The following ANO6 variants were observed in gnomAD, a reference collection of about 807,000 sequenced individuals.
ANO6 encodes anoctamin-6.
ANO6 carries 106 observed loss-of-function variants against 117.5 expected under a neutral mutation model. The ratio of observed to expected loss-of-function variants is 0.90; its 90% CI spans 0.77 to 1.06. ANO6 has a LOEUF of 1.06. Among genes scored for constraint, ANO6 ranks in the 50% least tolerant of loss-of-function variants. The probability of loss-of-function intolerance (pLI) is 0.00; values close to 1 mark genes in which losing one functional copy is unlikely to be tolerated. For missense variants in ANO6, 955 were observed against 1,121.1 expected, an observed-to-expected ratio of 0.85 and a Z score of 2.12; for synonymous variants, 367 against 385.1, an observed-to-expected ratio of 0.95 and a Z score of 0.55.
chr12:45,235,306 T>C (rs1198324908), intron 1 of ANO6, among the ~76,000 whole-genome samples: 7 of 152,364 alleles, frequency 4.6e-5, no homozygotes, highest in African/African-American at 1.7e-4. Context: ...TAAATTGTGA[T>C]GAAACTGTTG....
chr12:45,392,081 G>A (rs1468762272), intron 12 of ANO6, among the ~76,000 whole-genome samples: 2 of 152,362 alleles, frequency 1.3e-5, no homozygotes, highest in South Asian at 2.1e-4. Flanking sequence ...GGGGTCGGGC[G>A]ATTTCCCTTT....
intron 8 of ANO6, among the ~76,000 whole-genome samples, chr12:45,361,823 TC>T (rs1941562913): frequency 6.6e-6 from 1 of 152,166 alleles, no homozygotes; most frequent in Admixed American, 6.5e-5. Context: ...CTTTGAATCA[TC>T]CTTGCATTCC....
intron 1 of ANO6, among the ~76,000 whole-genome samples, chr12:45,231,038 C>T (rs142590809): frequency 2.8e-4 from 42 of 152,208 alleles, no homozygotes; most frequent in African/African-American, 9.2e-4. Context: ...GCCCAGGAGG[C>T]GGAGACTGCA....
At chr12:45,248,921 C>T (rs889795113) in intron 1 of ANO6, among the ~76,000 whole-genome samples, 3 of 152,086 alleles carry the variant, frequency 2.0e-5, no homozygotes, top group Non-Finnish European at 4.4e-5. Flanking sequence ...AGTAAGACTG[C>T]CATTTATTGT....
At position 45,401,982 on chromosome 12, in the gene ANO6, C is replaced by A; in HGVS notation, c.1574C>A (p.Thr525Asn). 1 of 1,613,892 alleles carries A rather than the reference C, an allele frequency of 6.2e-7. No homozygotes were observed. Among genetic ancestry groups the A allele is most frequent in the Non-Finnish European group, 8.5e-7 (1 of 1,179,956 alleles). ...ISFIIIMILN[T>N]IYEKVAIMIT... ...TTTATAATTATCATGATTCTGAACA[C>A]CATATATGAAAAAGTGGCAATTATG... The change falls in exon 13 of 20, where the codon ACC (threonine) becomes AAC (asparagine). Residue 525 changes from threonine (T) to asparagine (N), a missense_variant. Physicochemically the swap from Thr to Asn is moderately conservative, Grantham distance 65. Coordinates refer to ENST00000320560, the MANE Select transcript of ANO6 (RefSeq NM_001025356.3).
intron 9 of ANO6, among the ~76,000 whole-genome samples, chr12:45,376,295 G>A (rs1252630918): frequency 3.2e-5 from 4 of 124,138 alleles, no homozygotes; most frequent in African/African-American, 1.0e-4. Context: ...TCAGTGTGGC[G>A]ATTCCTCAGG....
chr12:45,292,919 A>G, intron 1 of ANO6: 1 of 1,551,366 alleles, frequency 6.4e-7, no homozygotes. Flanking sequence ...CTGCTGTGGA[A>G]TGTTTTGTGC....
At chr12:45,376,877 G>GA (rs200269070) in intron 9 of ANO6, among the ~76,000 whole-genome samples, 34 of 137,666 alleles carry the variant, frequency 2.5e-4, no homozygotes, top group South Asian at 9.6e-4. Flanking sequence ...AAAGAATATT[G>GA]AAAAAAAAAA....
intron 1 of ANO6, among the ~76,000 whole-genome samples, chr12:45,286,286 G>A (rs988428950): frequency 6.6e-6 from 1 of 152,132 alleles, no homozygotes; most frequent in Admixed American, 6.5e-5. Flanking sequence ...AGGTGACTGG[G>A]ACTTGAATAT....
chr12:45,316,760 A>G (rs1174129669), intron 2 of ANO6, among the ~76,000 whole-genome samples: 1 of 151,620 alleles, frequency 6.6e-6, no homozygotes. Flanking sequence ...GTACATAAAA[A>G]TATATGACAT....
chr12:45,288,749 T>G (rs1215011554), intron 1 of ANO6, among the ~76,000 whole-genome samples: 2 of 152,134 alleles, frequency 1.3e-5, no homozygotes, highest in East Asian at 3.9e-4. Context: ...CTTTTTTGTT[T>G]GTTTGTTTTG....
intron 1 of ANO6, among the ~76,000 whole-genome samples, chr12:45,276,528 A>G (rs530705043): frequency 3.3e-5 from 5 of 151,644 alleles, no homozygotes; most frequent in African/African-American, 1.2e-4. Flanking sequence ...TGCATAGCCA[A>G]CTCCTCATAC....
At chr12:45,397,931 A>G (rs1942671385) in intron 12 of ANO6, among the ~76,000 whole-genome samples, 1 of 152,110 alleles carries the variant, frequency 6.6e-6, no homozygotes, top group African/African-American at 2.4e-5. Context: ...GTGTATACCT[A>G]TGTGTCAAAC....
intron 1 of ANO6, among the ~76,000 whole-genome samples, chr12:45,226,692 A>C (rs575482662): frequency 1.3e-5 from 2 of 152,084 alleles, no homozygotes; most frequent in Non-Finnish European, 2.9e-5. Context: ...TGATGGCTAA[A>C]GTTTTCTTGT....
intron 7 of ANO6, among the ~76,000 whole-genome samples, chr12:45,353,762 C>T (rs368346138): frequency 5.1e-4 from 77 of 152,194 alleles, no homozygotes; most frequent in African/African-American, 1.6e-3. Flanking sequence ...TCCAAACTCC[C>T]GTTTTTACCT....
rs118081617 is a variant in ANO6 at position 45,407,403 on chromosome 12, A to G, written c.1881-1954A>G. Among the ~76,000 whole-genome samples, 109 of 150,376 alleles carry G rather than the reference A, an allele frequency of 7.2e-4. No homozygotes were observed. The Middle Eastern group carries it at 0.01, about 14-fold the overall frequency. On this transcript the variant is annotated intron_variant, in intron 15 of 19. Coordinates refer to ENST00000320560, the MANE Select transcript of ANO6 (RefSeq NM_001025356.3). Reference sequence around the variant, plus strand: ...GAGGCAAAGCAAAGTATAAACAAATAGAAACCACACCCAGTGACCTTAGAG... The same window carrying G: ...GAGGCAAAGCAAAGTATAAACAAATGGAAACCACACCCAGTGACCTTAGAG...
chr12:45,342,859 T>G (rs1941019535), intron 3 of ANO6, among the ~76,000 whole-genome samples: 1 of 152,136 alleles, frequency 6.6e-6, no homozygotes, highest in South Asian at 2.1e-4. Flanking sequence ...AAGGTGTTTT[T>G]TGGCAGAGGA....
intron 1 of ANO6, among the ~76,000 whole-genome samples, chr12:45,240,160 G>A (rs1315578266): frequency 6.6e-6 from 1 of 152,012 alleles, no homozygotes; most frequent in Non-Finnish European, 1.5e-5. Flanking sequence ...GGGAGTCTAA[G>A]TCTCTTTGTA....
At chr12:45,240,254 A>G (rs1047411211) in intron 1 of ANO6, among the ~76,000 whole-genome samples, 2 of 150,490 alleles carry the variant, frequency 1.3e-5, no homozygotes, top group African/African-American at 2.4e-5. Context: ...TTCTTGTTGA[A>G]TTGATCCCTT....
Sources: gnomAD v4.1 joint callset for allele counts (sites outside exome capture counted in the v4.1 genomes callset) on GRCh38, gnomAD v4.1.1 for gene constraint, MANE v1.5 for transcripts, NCBI Gene and HGNC (gene_info 2026-07-23, HGNC 2026-07-21) for gene names.